Variants in RYR3 observed in about 807,000 individuals in gnomAD.
RYR3 encodes the protein ryanodine receptor 3.
RYR3 carries 207 observed loss-of-function variants against 584.3 expected under a neutral mutation model. That is an observed-to-expected ratio of 0.35 (90% CI 0.32 to 0.40). The LOEUF (loss-of-function observed/expected upper bound fraction) is 0.40, where lower values mean the gene tolerates loss of function less well. Ranked by LOEUF, RYR3 falls within the 10% of genes least tolerant of loss-of-function variation. The pLI, the probability that RYR3 is intolerant of heterozygous loss-of-function variation, is 1.00. For missense variants in RYR3, 5,616 were observed against 6,089.2 expected, an observed-to-expected ratio of 0.92 and a Z score of 2.59; for synonymous variants, 2,416 against 2,248.5, an observed-to-expected ratio of 1.07 and a Z score of -2.11.
At chr15:33,624,121 T>C (rs1232258328) in intron 20 of RYR3, 98 bp downstream of exon 20, 1 of 816,370 alleles carries the variant, frequency 1.2e-6, no homozygotes, top group Non-Finnish European at 2.0e-6. Context: ...TTAATATACA[T>C]GCTCCAGAAT....
intron 43 of RYR3, among the ~76,000 whole-genome samples, chr15:33,715,605 A>C (rs1318451358): frequency 6.6e-6 from 1 of 152,178 alleles, no homozygotes; most frequent in African/African-American, 2.4e-5. Context: ...GAGACTGGAT[A>C]ATTTATAAAG....
chr15:33,840,386 T>G (rs1473189254), intron 89 of RYR3, among the ~76,000 whole-genome samples: 1 of 152,154 alleles, frequency 6.6e-6, no homozygotes, highest in Non-Finnish European at 1.5e-5. Flanking sequence ...AGCTTGAATT[T>G]TACTCTAACT....
chr15:33,531,597 C>T (rs2141056281), intron 4 of RYR3, among the ~76,000 whole-genome samples: 1 of 151,832 alleles, frequency 6.6e-6, no homozygotes, highest in Middle Eastern at 3.4e-3. Context: ...ACAACAGGAG[C>T]AACAGCTGCC....
chr15:33,384,877 C>T (rs577809328), intron 1 of RYR3, among the ~76,000 whole-genome samples: 9 of 152,038 alleles, frequency 5.9e-5, no homozygotes, highest in Admixed American at 1.3e-4. Flanking sequence ...TTTTGACTAA[C>T]GATTTTCTAA....
intron 12 of RYR3, 120 bp downstream of exon 12, chr15:33,566,919 A>G: frequency 8.9e-7 from 1 of 1,129,356 alleles, no homozygotes; most frequent in Non-Finnish European, 1.3e-6. Context: ...ACCAGCAAAG[A>G]GTTTTACCAT....
intron 45 of RYR3, 63 bp from the exon 46 acceptor site, chr15:33,726,323 G>A: frequency 6.3e-7 from 1 of 1,594,128 alleles, no homozygotes; most frequent in Non-Finnish European, 8.6e-7. Context: ...AGGTTTGGAG[G>A]TGGGGTGGAG....
intron 18 of RYR3, among the ~76,000 whole-genome samples, chr15:33,609,594 A>G (rs2060069906): frequency 6.6e-6 from 1 of 152,244 alleles, no homozygotes; most frequent in South Asian, 2.1e-4. Context: ...CAGAGGTTGC[A>G]GTGAGCCGAG....
At chr15:33,776,704 T>C (rs113187648) in intron 64 of RYR3, among the ~76,000 whole-genome samples, 5,854 of 152,346 alleles carry the variant, frequency 0.038, 175 homozygotes, top group Non-Finnish European at 0.061. Context: ...CCCTCTGGAA[T>C]ATAAATGAAG....
At chr15:33,862,186 TTCTC>T (rs60669727) in intron 102 of RYR3, among the ~76,000 whole-genome samples, 5,263 of 152,176 alleles carry the variant, frequency 0.035, 220 homozygotes, top group East Asian at 0.24. Flanking sequence ...CTCTTCCCCC[TTCTC>T]TCTCTATTTT....
intron 8 of RYR3, among the ~76,000 whole-genome samples, chr15:33,546,577 C>T (rs533582289): frequency 1.3e-5 from 2 of 152,202 alleles, no homozygotes; most frequent in South Asian, 2.1e-4. Flanking sequence ...TAATGTGTTC[C>T]TCTATGCATG....
chr15:33,416,794 ATCT>A (rs1169151011), intron 1 of RYR3, among the ~76,000 whole-genome samples: 3 of 152,084 alleles, frequency 2.0e-5, no homozygotes, highest in African/African-American at 7.2e-5. Context: ...TATTTCCTAC[ATCT>A]TCTTGTAGGA....
chr15:33,546,767 C>T (rs2056272948), intron 8 of RYR3, among the ~76,000 whole-genome samples: 1 of 152,034 alleles, frequency 6.6e-6, no homozygotes, highest in African/African-American at 2.4e-5. Flanking sequence ...CTTCCAAGCT[C>T]ATATTTTGAA....
chr15:33,585,955 G>T (rs1242601055), intron 15 of RYR3, 43 bp from the exon 16 acceptor site: 2 of 1,193,426 alleles, frequency 1.7e-6, no homozygotes, highest in Non-Finnish European at 2.5e-6. Context: ...CACTTCTGCA[G>T]GGCATTTAAT....
rs2041944865 is a variant in RYR3 at position 33,390,751 on chromosome 15, G to A, written c.51+79655G>A. Among the ~76,000 whole-genome samples, 1 of 152,138 alleles carries A rather than the reference G, an allele frequency of 6.6e-6. No individual in the cohort carries two copies. The highest frequency in any genetic ancestry group is 1.5e-5 in the Non-Finnish European group (1 of 68,024). On this transcript the variant is annotated intron_variant, in intron 1 of 103. Coordinates refer to ENST00000634891, the MANE Select transcript of RYR3 (RefSeq NM_001036.6). This position sits in a 1 kb window ranked among gnomAD's most constrained non-coding sequence, Gnocchi z 4.2. ...ACACCTGCTTAGTTCTGGGAATCTAGAAGAGCGGTACTTGCTAGTCAGAGG... is the reference window on the plus strand; with the variant it reads ...ACACCTGCTTAGTTCTGGGAATCTAAAAGAGCGGTACTTGCTAGTCAGAGG...
At chr15:33,458,065 C>T (rs1025757153) in intron 1 of RYR3, among the ~76,000 whole-genome samples, 3 of 152,114 alleles carry the variant, frequency 2.0e-5, no homozygotes, top group Non-Finnish European at 4.4e-5. Flanking sequence ...ATGGTGTCAA[C>T]TTGACTGGGG....
intron 1 of RYR3, among the ~76,000 whole-genome samples, chr15:33,459,389 C>T (rs2047831396): frequency 6.6e-6 from 1 of 152,062 alleles, no homozygotes; most frequent in Admixed American, 6.5e-5. Flanking sequence ...AGACTTAATT[C>T]TCAAAGTCTC....
At chr15:33,544,743 T>G (rs571384358) in intron 8 of RYR3, among the ~76,000 whole-genome samples, 2 of 152,274 alleles carry the variant, frequency 1.3e-5, no homozygotes, top group East Asian at 3.9e-4. Context: ...CTATCTACTC[T>G]GAATACCCTT....
intron 48 of RYR3, among the ~76,000 whole-genome samples, chr15:33,733,059 A>G (rs896039922): frequency 6.6e-6 from 1 of 152,260 alleles, no homozygotes; most frequent in Non-Finnish European, 1.5e-5. Flanking sequence ...CACTACACAC[A>G]TATCAGAATG....
chr15:33,356,629 T>A (rs914520450), intron 1 of RYR3, among the ~76,000 whole-genome samples: 2 of 152,232 alleles, frequency 1.3e-5, no homozygotes, highest in African/African-American at 4.8e-5. Flanking sequence ...TATAGACACA[T>A]AATATGTTTA....
Sources: allele counts gnomAD v4.1 joint callset (sites outside exome capture counted in the v4.1 genomes callset), GRCh38; gene constraint gnomAD v4.1.1; non-coding constraint Gnocchi (gnomAD v3.1); transcripts MANE v1.5; gene names NCBI Gene and HGNC (gene_info 2026-07-23, HGNC 2026-07-21).